Variants in SOAT1 observed in about 807,000 individuals in gnomAD.
SOAT1 encodes sterol O-acyltransferase 1.
A neutral mutation model predicts 69.5 loss-of-function variants in SOAT1; 55 were observed. The observed-to-expected ratio is 0.79, with a 90% CI of 0.64 to 0.99. The LOEUF (loss-of-function observed/expected upper bound fraction) is 0.99. SOAT1 is among the 50% of genes least tolerant of loss of function. The pLI is 0.00. For synonymous variants in SOAT1, 231 were observed against 224.7 expected, an observed-to-expected ratio of 1.03 and a Z score of -0.25; for missense variants, 580 against 669.3, an observed-to-expected ratio of 0.87 and a Z score of 1.47.
At chr1:179,342,781 G>T in intron 8 of SOAT1, 81 bp from the exon 9 acceptor site, 1 of 967,272 alleles carries the variant, frequency 1.0e-6, no homozygotes. Context: ...TCCCTGTTCT[G>T]TGCTTCCTTA....
intron 1 of SOAT1, among the ~76,000 whole-genome samples, chr1:179,295,966 ATTTTTTTTTTTTTTT>A (rs58893158): frequency 9.6e-5 from 5 of 51,982 alleles, no homozygotes; most frequent in African/African-American, 2.6e-4. Context: ...CGCCCGGCTA[ATTTTTTTTTTTTTTT>A]TTTTTTTTTT....
chr1:179,310,458 G>A (rs1036113910), intron 2 of SOAT1, among the ~76,000 whole-genome samples: 2 of 152,148 alleles, frequency 1.3e-5, no homozygotes, highest in Admixed American at 1.3e-4. Flanking sequence ...TTCTGGCTCA[G>A]ATTCCATTTT....
At chr1:179,346,960 ATC>A (rs1399434964) in intron 11 of SOAT1, among the ~76,000 whole-genome samples, 1 of 151,764 alleles carries the variant, frequency 6.6e-6, no homozygotes, top group Non-Finnish European at 1.5e-5. Flanking sequence ...AGGGGGCAAA[ATC>A]TCTCCCAGTT....
At chr1:179,340,410 A>T (rs558370826) in intron 6 of SOAT1, among the ~76,000 whole-genome samples, 1 of 152,228 alleles carries the variant, frequency 6.6e-6, no homozygotes, top group Non-Finnish European at 1.5e-5. Flanking sequence ...TGAGCCAGGG[A>T]GGTTGAGGCT....
In SOAT1 at chr1:179,353,851, G is replaced by A; in HGVS notation, c.*210G>A. ...ACTTAAGCAGAGCAGAACTTTTTTTGTGGGGCTGGGTGGGGGGAGAAGACC... is the reference window on the plus strand; with the variant it reads ...ACTTAAGCAGAGCAGAACTTTTTTTATGGGGCTGGGTGGGGGGAGAAGACC... On this transcript the variant is annotated 3_prime_UTR_variant, in exon 16 of 16. Coordinates refer to ENST00000367619, the MANE Select transcript of SOAT1 (RefSeq NM_003101.6). The A allele has an allele frequency of 1.9e-6, 1 of 526,728 alleles. No homozygotes were observed. Among genetic ancestry groups the A allele is most frequent in the Non-Finnish European group, 3.3e-6 (1 of 301,176 alleles). The allele number at this position is 526,728 out of a possible 1,614,324, so 32.6% of individuals were successfully genotyped here.
chr1:179,352,459 C>A (rs544246624), intron 15 of SOAT1, among the ~76,000 whole-genome samples: 1 of 147,556 alleles, frequency 6.8e-6, no homozygotes, highest in South Asian at 2.2e-4. Flanking sequence ...GCATATAGGG[C>A]GTGTCCTATA....
At position 179,354,086 on chromosome 1, in the gene SOAT1, T is replaced by C. The variant is rs1666835234; in HGVS notation, c.*445T>C. 1 of 153,802 alleles carries C rather than the reference T, an allele frequency of 6.5e-6. No homozygotes were observed. Among genetic ancestry groups the C allele is most frequent in the African/African-American group, 2.4e-5 (1 of 41,500 alleles). 9.5% of individuals were successfully genotyped at this position (153,802 alleles called of 1,614,324 possible). The stretch of plus-strand genomic sequence containing the variant: ...TCATGCACACTGTTGGAATGTATGC[T>C]AATTGAACATGCAATTGGGGAAGAA... On this transcript the variant is annotated 3_prime_UTR_variant, in exon 16 of 16. Transcript: ENST00000367619.
chr1:179,300,818 G>A (rs78963525), intron 1 of SOAT1, among the ~76,000 whole-genome samples: 4,623 of 151,974 alleles, frequency 0.03, 226 homozygotes, highest in African/African-American at 0.11. Context: ...TTTTTTGGCC[G>A]GGTGCGGTGG....
chr1:179,309,190 T>A (rs1330470538), intron 2 of SOAT1, among the ~76,000 whole-genome samples: 1 of 152,200 alleles, frequency 6.6e-6, no homozygotes, highest in East Asian at 1.9e-4. Context: ...TTCAAGCGAT[T>A]CTTCTGTCTC....
chr1:179,332,496 A>T lies in SOAT1; in HGVS notation c.178-3010A>T, dbSNP rs191079855. On this transcript the variant is annotated intron_variant, in intron 3 of 15. Coordinates refer to ENST00000367619, the MANE Select transcript of SOAT1 (RefSeq NM_003101.6). ...TCCTTAAGCTCTAAAAATGTAGTTT[A>T]CTAGATTACCTAAAAAAGCACCTTT... Among the ~76,000 whole-genome samples, 5 of 152,254 alleles carry T rather than the reference A, an allele frequency of 3.3e-5. No individual in the cohort carries two copies. In the East Asian group the frequency reaches 9.6e-4, roughly 29 times the overall value.
At chr1:179,333,886 A>G (rs1666059188) in intron 3 of SOAT1, among the ~76,000 whole-genome samples, 1 of 152,142 alleles carries the variant, frequency 6.6e-6, no homozygotes, top group Admixed American at 6.5e-5. Flanking sequence ...CAAGTGGTGA[A>G]AGCAGCTAGC....
rs1666679532 is a variant in SOAT1, at chr1:179,350,317, T to TCTG, written c.1341_1343dup (p.Ala448dup). 6.2e-7 allele frequency: 1 copy of TCTG among 1,611,968 alleles called. No homozygotes were observed. The highest frequency in any genetic ancestry group is 1.3e-5 in the African/African-American group (1 of 74,822). ...TTAGTTTTTCTCCAAGAGATTCAAATCTGCTGCCATGTTAGCTGTCTTTGC... is the reference window on the plus strand; with the variant it reads ...TTAGTTTTTCTCCAAGAGATTCAAATCTGCTGCTGCCATGTTAGCTGTCTTTGC... On this transcript the variant is annotated inframe_insertion, in exon 14 of 16. Coordinates refer to ENST00000367619, the MANE Select transcript of SOAT1 (RefSeq NM_003101.6).
intron 4 of SOAT1, 64 bp downstream of exon 4, chr1:179,335,721 G>A: frequency 6.9e-7 from 1 of 1,456,640 alleles, no homozygotes. Flanking sequence ...GGTGAAAATG[G>A]ACTGCGGCAA....
chr1:179,329,374 T>C (rs1437066635), intron 3 of SOAT1, among the ~76,000 whole-genome samples: 1 of 152,054 alleles, frequency 6.6e-6, no homozygotes, highest in Non-Finnish European at 1.5e-5. Flanking sequence ...TCAAGTGTCA[T>C]GTCTGAAAAT....
In SOAT1 at chr1:179,342,980, A is replaced by G. The variant is rs759093396; in HGVS notation, c.941+37A>G. On this transcript the variant is annotated intron_variant, in intron 9 of 15. Transcript: ENST00000367619. ...GTGAACCAGAAATGTGGTAAACACC[A>G]AAAGTGTGGCATGAGTGAGGTGGGA... 3 of 1,526,006 alleles carry G rather than the reference A, an allele frequency of 2.0e-6. No homozygotes were observed. In the East Asian group the frequency reaches 6.7e-5, roughly 34 times the overall value. 94.5% of individuals were successfully genotyped at this position (1,526,006 alleles called of 1,614,324 possible).
chr1:179,342,413 T>C (rs914471024), intron 8 of SOAT1, among the ~76,000 whole-genome samples: 2 of 152,000 alleles, frequency 1.3e-5, no homozygotes, highest in African/African-American at 2.4e-5. Context: ...TTTGTTGTTT[T>C]CTGGGATGTC....
intron 2 of SOAT1, among the ~76,000 whole-genome samples, chr1:179,322,883 C>T (rs888563574): frequency 1.3e-5 from 2 of 152,162 alleles, no homozygotes; most frequent in Non-Finnish European, 2.9e-5. Context: ...CCATTTTGGG[C>T]AGGCCCTAGA....
chr1:179,306,849 A>AAC lies in SOAT1; in HGVS notation c.118+4048_118+4049insCA, dbSNP rs1553243345. On this transcript the variant is annotated intron_variant, in intron 2 of 15. Coordinates refer to ENST00000367619, the MANE Select transcript of SOAT1 (RefSeq NM_003101.6). Reference sequence around the variant, plus strand: ...CCATCTCAAAAAAAAAAAAAAAAAAAAGCAGCACCACCATATGCTGTCACA... The same window carrying AAC: ...CCATCTCAAAAAAAAAAAAAAAAAAAACAGCAGCACCACCATATGCTGTCACA... 1.1e-3 allele frequency among the ~76,000 whole-genome samples: 162 copies of AAC among 151,188 alleles called. 1 individual carries two copies. The highest frequency in any genetic ancestry group is 3.8e-3 in the African/African-American group (157 of 41,036).
At chr1:179,347,755 G>A in intron 12 of SOAT1, 58 bp downstream of exon 12, 1 of 989,720 alleles carries the variant, frequency 1.0e-6, no homozygotes, top group Middle Eastern at 2.2e-4. Context: ...TTCATTATTA[G>A]TATTTTGACA....
Sources: gnomAD v4.1 joint callset for allele counts (sites outside exome capture counted in the v4.1 genomes callset) on GRCh38, gnomAD v4.1.1 for gene constraint, MANE v1.5 for transcripts, NCBI Gene and HGNC (gene_info 2026-07-23, HGNC 2026-07-21) for gene names.